ANKRD44: variants seen among roughly 807,000 people sequenced by gnomAD.
ANKRD44 encodes ankyrin repeat domain 44, also known as serine/threonine-protein phosphatase 6 regulatory ankyrin repeat subunit B.
A neutral mutation model predicts 116.0 loss-of-function variants in ANKRD44; 35 were observed. The observed-to-expected ratio is 0.30, with a 90% CI of 0.23 to 0.40. The LOEUF (loss-of-function observed/expected upper bound fraction) is 0.40. Among genes scored for constraint, ANKRD44 ranks in the 10% least tolerant of loss-of-function variants. The pLI is 1.00. For missense variants in ANKRD44, 1,014 were observed against 1,242.6 expected, an observed-to-expected ratio of 0.82 and a Z score of 2.77; for synonymous variants, 435 against 461.8, an observed-to-expected ratio of 0.94 and a Z score of 0.74.
chr2:197,000,385 T>C, intron 23 of ANKRD44, 34 bp downstream of exon 23: 1 of 1,551,990 alleles, frequency 6.4e-7, no homozygotes, highest in Non-Finnish European at 8.9e-7. Context: ...GTAAGATTCA[T>C]CAAGAAAAAA....
In ANKRD44 at chr2:197,212,050, T is replaced by TCACACA. The variant is rs1464210072; in HGVS notation, c.28-24945_28-24944insTGTGTG. 3.2e-5 allele frequency among the ~76,000 whole-genome samples: 4 copies of TCACACA among 123,664 alleles called. No individual in the cohort carries two copies. Among genetic ancestry groups the TCACACA allele is most frequent in the South Asian group, 3.2e-4 (1 of 3,148 alleles). The allele number at this position is 123,664 out of a possible 152,430, so 81.1% of individuals were successfully genotyped here. Reference sequence around the variant, plus strand: ...CTCTCTCTCTCTCAGTCTCTCTCTCTCTCACACACACACACACACACACAC... The same window carrying TCACACA: ...CTCTCTCTCTCTCAGTCTCTCTCTCTCACACACTCACACACACACACACACACACAC... On this transcript the variant is annotated intron_variant, in intron 1 of 27. Transcript: ENST00000282272. This position sits in a 1 kb window ranked among gnomAD's most constrained non-coding sequence, Gnocchi z 4.8.
At chr2:196,999,971 T>C (rs1028385648) in intron 23 of ANKRD44, among the ~76,000 whole-genome samples, 8 of 152,158 alleles carry the variant, frequency 5.3e-5, no homozygotes, top group Non-Finnish European at 1.0e-4. Context: ...TGTTCTTCAA[T>C]AGAGGGCAGG....
At chr2:197,111,490 T>C (rs1217031503) in intron 8 of ANKRD44, among the ~76,000 whole-genome samples, 1 of 151,996 alleles carries the variant, frequency 6.6e-6, no homozygotes, top group Non-Finnish European at 1.5e-5. Flanking sequence ...AATACAAAAA[T>C]TAGCCAGGCA....
At chr2:197,118,415 C>G (rs2078763020) in intron 8 of ANKRD44, among the ~76,000 whole-genome samples, 1 of 151,282 alleles carries the variant, frequency 6.6e-6, no homozygotes, top group Non-Finnish European at 1.5e-5. Context: ...ATGGCAAAAA[C>G]CCCTCTCTAC....
At chr2:197,069,257 C>T (rs1281166899) in intron 16 of ANKRD44, among the ~76,000 whole-genome samples, 1 of 151,570 alleles carries the variant, frequency 6.6e-6, no homozygotes, top group Non-Finnish European at 1.5e-5. Context: ...AATGAGAAAA[C>T]TTGGACACAG....
At chr2:197,151,707 T>C (rs1306534882) in intron 2 of ANKRD44, among the ~76,000 whole-genome samples, 2 of 152,224 alleles carry the variant, frequency 1.3e-5, no homozygotes, top group African/African-American at 2.4e-5. Flanking sequence ...ACATTAGGGA[T>C]ACAAAATTTA....
intron 4 of ANKRD44, among the ~76,000 whole-genome samples, chr2:197,131,530 A>G (rs2079096614): frequency 6.6e-6 from 1 of 152,200 alleles, no homozygotes; most frequent in African/African-American, 2.4e-5. Flanking sequence ...TACAACACCT[A>G]CATGGACACA....
chr2:197,026,047 C>CAAAAAAAAAAA (rs111706910), intron 16 of ANKRD44, among the ~76,000 whole-genome samples: 12 of 130,358 alleles, frequency 9.2e-5, no homozygotes, highest in Middle Eastern at 4.1e-3. Context: ...TAAAAAGAAA[C>CAAAAAAAAAAA]AAAAAAAAAA....
chr2:197,063,271 A>T (rs4850758), intron 16 of ANKRD44, among the ~76,000 whole-genome samples: 5 of 152,024 alleles, frequency 3.3e-5, no homozygotes, highest in East Asian at 1.9e-4. Context: ...ACTAACAAAC[A>T]GAAAGGACAT....
At chr2:197,002,137 G>A (rs927936839) in intron 21 of ANKRD44, among the ~76,000 whole-genome samples, 1 of 152,182 alleles carries the variant, frequency 6.6e-6, no homozygotes, top group Non-Finnish European at 1.5e-5. Context: ...GCTCTTGAAA[G>A]ATAGATGCCT....
intron 1 of ANKRD44, among the ~76,000 whole-genome samples, chr2:197,206,500 A>G (rs2081209735): frequency 6.6e-6 from 1 of 152,170 alleles, no homozygotes; most frequent in Non-Finnish European, 1.5e-5. Flanking sequence ...CCTGGCCAAT[A>G]TGGCAAAACC....
downstream of ANKRD44, among the ~76,000 whole-genome samples, chr2:196,982,075 G>A (rs1281852057): frequency 3.6e-5 from 4 of 110,336 alleles, no homozygotes; most frequent in Admixed American, 9.3e-5. Flanking sequence ...ATTCCTGAGG[G>A]AATCTCTTCT....
chr2:197,183,058 T>C (rs1287098116), intron 2 of ANKRD44, among the ~76,000 whole-genome samples: 3 of 151,920 alleles, frequency 2.0e-5, no homozygotes, highest in East Asian at 1.9e-4. Context: ...GGTGAGAGAA[T>C]AGAATAAATC....
intron 1 of ANKRD44, among the ~76,000 whole-genome samples, chr2:197,267,824 G>A (rs2105762754): frequency 6.6e-6 from 1 of 152,324 alleles, no homozygotes; most frequent in Admixed American, 6.5e-5. Flanking sequence ...CAGAGGAGCT[G>A]GGGTCGGGGT....
At chr2:197,204,552 G>C (rs2081164463) in intron 1 of ANKRD44, among the ~76,000 whole-genome samples, 1 of 152,190 alleles carries the variant, frequency 6.6e-6, no homozygotes, top group Non-Finnish European at 1.5e-5. Context: ...CAACAATCTG[G>C]AGAATTTATG....
At chr2:197,025,293 G>C (rs774264996) in intron 16 of ANKRD44, 26 bp from the exon 17 acceptor site, 3 of 1,589,650 alleles carry the variant, frequency 1.9e-6, no homozygotes, top group Non-Finnish European at 2.6e-6. Flanking sequence ...GCAAACAATA[G>C]TACGTGAGTC....
intron 17 of ANKRD44, among the ~76,000 whole-genome samples, chr2:197,024,306 C>T (rs935423892): frequency 6.6e-6 from 1 of 152,176 alleles, no homozygotes; most frequent in Non-Finnish European, 1.5e-5. Flanking sequence ...GGTGTCCTGC[C>T]CCTGGGTTTT....
chr2:197,097,453 G>C (rs62279209), intron 10 of ANKRD44, among the ~76,000 whole-genome samples: 1 of 152,102 alleles, frequency 6.6e-6, no homozygotes, highest in Non-Finnish European at 1.5e-5. Flanking sequence ...TGGTAAGAGC[G>C]TACTGAATCT....
At chr2:196,990,218 G>A (rs1171132625) in intron 27 of ANKRD44, 1 of 986,162 alleles carries the variant, frequency 1.0e-6, no homozygotes, top group Non-Finnish European at 1.2e-6. Context: ...TTGGCTTCTA[G>A]TGAGGAAGTA....
Sources: allele counts gnomAD v4.1 joint callset (sites outside exome capture counted in the v4.1 genomes callset), GRCh38; gene constraint gnomAD v4.1.1; non-coding constraint Gnocchi (gnomAD v3.1); transcripts MANE v1.5; gene names NCBI Gene and HGNC (gene_info 2026-07-23, HGNC 2026-07-21).